Variants in DYNC2H1 observed in about 807,000 individuals in gnomAD.
The protein encoded by DYNC2H1 is dynein cytoplasmic 2 heavy chain 1.
In DYNC2H1, 410 loss-of-function variants were observed where a neutral mutation model predicts 570.0. That is an observed-to-expected ratio of 0.72 (90% CI 0.66 to 0.78). The LOEUF (loss-of-function observed/expected upper bound fraction) is 0.78. Ranked by LOEUF, DYNC2H1 falls within the 30% of genes least tolerant of loss-of-function variation. The pLI is 0.00. For synonymous variants in DYNC2H1, 1,688 were observed against 1,677.6 expected, an observed-to-expected ratio of 1.01 and a Z score of -0.15; for missense variants, 4,865 against 5,046.4, an observed-to-expected ratio of 0.96 and a Z score of 1.09.
At chr11:103,144,078 G>A (rs1177844700) in intron 18 of DYNC2H1, among the ~76,000 whole-genome samples, 2 of 152,170 alleles carry the variant, frequency 1.3e-5, no homozygotes, top group African/African-American at 4.8e-5. Context: ...AGAAGACAGA[G>A]GACCTAAGAT....
chr11:103,422,466 C>CA (rs1168283294), intron 84 of DYNC2H1, among the ~76,000 whole-genome samples: 2 of 152,114 alleles, frequency 1.3e-5, no homozygotes, highest in Admixed American at 6.6e-5. Flanking sequence ...CCAAATCCCA[C>CA]AGCACATCAA....
chr11:103,452,326 C>T (rs1276831877), intron 85 of DYNC2H1, among the ~76,000 whole-genome samples: 2 of 148,406 alleles, frequency 1.3e-5, no homozygotes, highest in Non-Finnish European at 3.0e-5. Flanking sequence ...ATCACTGATA[C>T]ATTTGAATCA....
chr11:103,302,949 T>C (rs528722915), intron 75 of DYNC2H1, 144 bp from the exon 76 acceptor site: 2 of 547,408 alleles, frequency 3.7e-6, no homozygotes, highest in South Asian at 1.6e-4. Context: ...ACTAGTATAT[T>C]ATTTTAGAGT....
rs1325973305 is a variant in DYNC2H1 at position 103,198,063 on chromosome 11, G to A, written c.7839G>A (p.Lys2613=). 5.2e-6 allele frequency: 8 copies of A among 1,550,568 alleles called. No homozygotes were observed. The highest frequency in any genetic ancestry group is 2.4e-5 in the East Asian group (1 of 40,882). Residue 2613 remains lysine (K), a splice_region_variant and synonymous_variant, in exon 48 of 89, where the codon AAG becomes AAA. Transcript: ENST00000375735. ...NSTDLKDVIK[K]GLIHYGRDNQ... ...CTGATCTCAAGGATGTTATTAAAAA[G>A]GTATAATATGAATCATTAATTGGAA...
At position 103,472,378 on chromosome 11, in the gene DYNC2H1, T is replaced by TAA. The variant is rs11454953; in HGVS notation, c.12765+3679_12765+3680dup. On this transcript the variant is annotated intron_variant, in intron 88 of 88. Transcript: ENST00000375735. The surrounding 1 kb of genome is among the most constrained non-coding windows in gnomAD (Gnocchi z 4.1). ...CATCTTTATTAAATAAAAAAAGAAT[T>TAA]AAAAAAATTTTTTTTAAAGAATTGA... 1.3e-5 allele frequency among the ~76,000 whole-genome samples: 2 copies of TAA among 152,016 alleles called. No individual in the cohort carries two copies. Among genetic ancestry groups the TAA allele is most frequent in the South Asian group, 2.1e-4 (1 of 4,808 alleles).
At chr11:103,124,290 CA>C (rs1207925576) in intron 11 of DYNC2H1, among the ~76,000 whole-genome samples, 1 of 151,266 alleles carries the variant, frequency 6.6e-6, no homozygotes, top group Admixed American at 6.6e-5. Context: ...CTACAAAAGA[CA>C]AAAAAATTAG....
intron 83 of DYNC2H1, among the ~76,000 whole-genome samples, chr11:103,371,723 T>C (rs1422534101): frequency 1.3e-5 from 2 of 152,110 alleles, no homozygotes; most frequent in Non-Finnish European, 2.9e-5. Context: ...AAACATGAAG[T>C]AGAAATTTTC....
At chr11:103,416,706 C>G (rs1202625176) in intron 84 of DYNC2H1, among the ~76,000 whole-genome samples, 1 of 152,140 alleles carries the variant, frequency 6.6e-6, no homozygotes, top group Non-Finnish European at 1.5e-5. Context: ...CTAGGCAATA[C>G]CATTCAGGAC....
intron 85 of DYNC2H1, among the ~76,000 whole-genome samples, chr11:103,451,420 C>A (rs1444430456): frequency 6.7e-6 from 1 of 150,356 alleles, no homozygotes; most frequent in African/African-American, 2.5e-5. Context: ...GCAACCTCCG[C>A]CTCCCAGGTT....
chr11:103,320,225 G>T (rs1938095811), intron 80 of DYNC2H1, among the ~76,000 whole-genome samples: 1 of 152,092 alleles, frequency 6.6e-6, no homozygotes, highest in Admixed American at 6.6e-5. Flanking sequence ...CCAACATGGT[G>T]AAATCCCGTC....
chr11:103,478,967 AG>A, intron 88 of DYNC2H1, 127 bp from the exon 89 acceptor site: 3 of 1,055,840 alleles, frequency 2.8e-6, no homozygotes, highest in Non-Finnish European at 4.0e-6. Flanking sequence ...GGGGGATGAT[AG>A]GGGTTCATCA....
chr11:103,112,424 T>G (rs1858157793), intron 1 of DYNC2H1, among the ~76,000 whole-genome samples: 1 of 152,228 alleles, frequency 6.6e-6, no homozygotes, highest in Non-Finnish European at 1.5e-5. Flanking sequence ...GCAAAAAGTT[T>G]TCTGTAACGG....
chr11:103,227,938 C>G (rs1392584504), intron 59 of DYNC2H1, among the ~76,000 whole-genome samples: 1 of 152,012 alleles, frequency 6.6e-6, no homozygotes, highest in African/African-American at 2.4e-5. Flanking sequence ...TATATAATGT[C>G]CCTCTTTGTC....
At chr11:103,137,928 G>C (rs1257822478) in intron 17 of DYNC2H1, among the ~76,000 whole-genome samples, 2 of 150,122 alleles carry the variant, frequency 1.3e-5, no homozygotes, top group African/African-American at 4.9e-5. Flanking sequence ...AGTTCTCCTT[G>C]AAGAGGTCCT....
chr11:103,293,460 T>C (rs933167129), intron 75 of DYNC2H1, among the ~76,000 whole-genome samples: 1 of 152,166 alleles, frequency 6.6e-6, no homozygotes, highest in Non-Finnish European at 1.5e-5. Context: ...CTTATCTTTC[T>C]CTATGCTAGG....
At chr11:103,408,309 A>G (rs955001494) in intron 84 of DYNC2H1, 11 of 152,032 alleles carry the variant, frequency 7.2e-5, no homozygotes, top group African/African-American at 2.7e-4. Flanking sequence ...TTTTTGTTCA[A>G]TGAATGTAAG....
Position 103,154,452 on chromosome 11 carries a change from G to A in DYNC2H1, c.3304G>A (p.Asp1102Asn). 6.5e-7 allele frequency: 1 copy of A among 1,529,626 alleles called. No homozygotes were observed. The highest frequency in any genetic ancestry group is 8.8e-7 in the Non-Finnish European group (1 of 1,142,486). The allele number at this position is 1,529,626 out of a possible 1,614,324, so 94.8% of individuals were successfully genotyped here. Residue 1102 changes from aspartate (D) to asparagine (N), a missense_variant and splice_region_variant, in exon 23 of 89, where the codon GAT becomes AAT. By Grantham distance (23) the Asp-to-Asn change is conservative. This residue lies in a region of DYNC2H1 where 1,936 missense variants were observed against 1,962.1 expected (regional missense o/e 0.99). Coordinates refer to ENST00000375735, the MANE Select transcript of DYNC2H1 (RefSeq NM_001377.3). ...DLEVTRKKLVDDCHHFRLEEP... is the reference protein window; with the variant it reads ...DLEVTRKKLVNDCHHFRLEEP... ...ATATTTCAATATTTGTTTCTATAGT[G>A]ATGATTGCCATCATTTTAGACTGGA...
chr11:103,208,190 T>C (rs1219351950), intron 52 of DYNC2H1, among the ~76,000 whole-genome samples: 3 of 152,046 alleles, frequency 2.0e-5, no homozygotes, highest in Non-Finnish European at 4.4e-5. Context: ...AACCAAGGAA[T>C]TGAGACATGA....
intron 17 of DYNC2H1, among the ~76,000 whole-genome samples, chr11:103,140,421 T>C (rs993692962): frequency 6.6e-6 from 1 of 152,140 alleles, no homozygotes; most frequent in African/African-American, 2.4e-5. Flanking sequence ...TGACAAAATC[T>C]CTCAGCATTT....
Sources: gnomAD v4.1 joint callset for allele counts (sites outside exome capture counted in the v4.1 genomes callset) on GRCh38, gnomAD v4.1.1 for gene constraint, gnomAD v4.1.1 regional missense constraint, Gnocchi (gnomAD v3.1) non-coding constraint, MANE v1.5 for transcripts, NCBI Gene and HGNC (gene_info 2026-07-23, HGNC 2026-07-21) for gene names.